The following GPATCH2 variants were observed in gnomAD, a reference collection of about 807,000 sequenced individuals.
GPATCH2 encodes the protein G-patch domain containing 2.
Under a neutral mutation model 58.0 loss-of-function variants are expected in GPATCH2, and 51 were observed. The ratio of observed to expected loss-of-function variants is 0.88; its 90% CI spans 0.70 to 1.11. GPATCH2 has a LOEUF of 1.11. Among genes scored for constraint, GPATCH2 ranks in the 50% most tolerant of loss-of-function variants. The probability of loss-of-function intolerance (pLI) is 0.00; values close to 1 mark genes in which losing one functional copy is unlikely to be tolerated. For synonymous variants in GPATCH2, 222 were observed against 218.5 expected, an observed-to-expected ratio of 1.02 and a Z score of -0.14; for missense variants, 625 against 652.2, an observed-to-expected ratio of 0.96 and a Z score of 0.45.
chr1:217,433,437 C>T (rs2102523333), intron 9 of GPATCH2, among the ~76,000 whole-genome samples: 1 of 149,824 alleles, frequency 6.7e-6, no homozygotes, highest in African/African-American at 2.5e-5. Flanking sequence ...CACTCTGTTG[C>T]CCAGGCCAGA....
Position 217,584,507 on chromosome 1 carries a change from C to T in GPATCH2, c.1098+25814G>A, listed in dbSNP as rs545066236. On this transcript the variant is annotated intron_variant, in intron 5 of 9. Coordinates refer to ENST00000366935, the MANE Select transcript of GPATCH2 (RefSeq NM_018040.5). ...TTGCACCATTGCACTCCAGCTTGGG[C>T]GAAAGAGTGAGACTCCATCTCAAAG... Among the ~76,000 whole-genome samples the T allele has an allele frequency of 7.3e-5, 11 of 151,284 alleles. No individual in the cohort carries two copies. The East Asian group carries it at 1.4e-3, about 19-fold the overall frequency.
intron 8 of GPATCH2, among the ~76,000 whole-genome samples, chr1:217,488,056 A>T (rs1401127192): frequency 3.3e-5 from 4 of 119,682 alleles, no homozygotes; most frequent in African/African-American, 1.9e-4. Flanking sequence ...TGTAACCTTT[A>T]AAAAAAAAAA....
chr1:217,557,798 G>A (rs1289990101), intron 5 of GPATCH2, among the ~76,000 whole-genome samples: 2 of 151,992 alleles, frequency 1.3e-5, no homozygotes, highest in African/African-American at 2.4e-5. Flanking sequence ...TCCCTGCACC[G>A]ATACTATACT....
At chr1:217,544,820 T>C (rs1664950299) in intron 5 of GPATCH2, among the ~76,000 whole-genome samples, 1 of 152,252 alleles carries the variant, frequency 6.6e-6, no homozygotes, top group Non-Finnish European at 1.5e-5. Context: ...AAATGAATAC[T>C]TTTTCATTTC....
intron 8 of GPATCH2, among the ~76,000 whole-genome samples, chr1:217,465,239 AAG>A (rs1467760600): frequency 6.6e-5 from 10 of 152,148 alleles, no homozygotes; most frequent in African/African-American, 2.4e-4. Context: ...ATTAAAAGGA[AAG>A]TGATAAATTA....
chr1:217,587,064 A>C (rs545682659), intron 5 of GPATCH2, among the ~76,000 whole-genome samples: 3 of 152,144 alleles, frequency 2.0e-5, no homozygotes, highest in African/African-American at 7.2e-5. Context: ...GCAGGGGGGA[A>C]GTTCTGCAAC....
chr1:217,475,507 T>C (rs183328053), intron 8 of GPATCH2, among the ~76,000 whole-genome samples: 2,099 of 151,844 alleles, frequency 0.014, 137 homozygotes, highest in Admixed American at 0.12. Context: ...ATGAAAAGAG[T>C]AAGATAATTT....
At chr1:217,612,531 TA>T (rs1414285946) in intron 3 of GPATCH2, among the ~76,000 whole-genome samples, 1 of 152,024 alleles carries the variant, frequency 6.6e-6, no homozygotes, top group Non-Finnish European at 1.5e-5. Context: ...GGGAATTAAT[TA>T]AAAAAATTTT....
At position 217,484,828 on chromosome 1, in the gene GPATCH2, T is replaced by C. The variant is rs141921618; in HGVS notation, c.1277+6852A>G. Among the ~76,000 whole-genome samples the C allele has an allele frequency of 9.0e-3, 1,367 of 151,448 alleles. 8 individuals carry two copies. Among genetic ancestry groups the C allele is most frequent in the Middle Eastern group, 0.049 (14 of 284 alleles). Reference sequence around the variant, plus strand: ...ATATGTATATGTGTATATAGATATATATATTTACTTATATGAACTGAGTTT... The same window carrying C: ...ATATGTATATGTGTATATAGATATACATATTTACTTATATGAACTGAGTTT... On this transcript the variant is annotated intron_variant, in intron 8 of 9. Coordinates refer to ENST00000366935, the MANE Select transcript of GPATCH2 (RefSeq NM_018040.5).
At chr1:217,565,327 T>G (rs1178692641) in intron 5 of GPATCH2, among the ~76,000 whole-genome samples, 2 of 152,198 alleles carry the variant, frequency 1.3e-5, no homozygotes, top group Non-Finnish European at 2.9e-5. Context: ...AACTTAATAC[T>G]TTGTATTTGT....
rs1658397161 is a variant in GPATCH2 at position 217,428,122 on chromosome 1, T to C, written c.*3023A>G. The C allele has an allele frequency of 6.6e-6, 1 of 152,204 alleles. No homozygotes were observed. The highest frequency in any genetic ancestry group is 1.5e-5 in the Non-Finnish European group (1 of 68,024). 9.4% of individuals were successfully genotyped at this position (152,204 alleles called of 1,614,324 possible). ...AAACAAATGACTCCAGCACACAGTC[T>C]GGTCATTATCAAGTATAACAAATTT... On this transcript the variant is annotated 3_prime_UTR_variant, in exon 10 of 10. Transcript: ENST00000366935.
At chr1:217,560,262 A>G (rs1417499946) in intron 5 of GPATCH2, among the ~76,000 whole-genome samples, 6 of 152,194 alleles carry the variant, frequency 3.9e-5, no homozygotes, top group Non-Finnish European at 4.4e-5. Context: ...TTGTGAGTGC[A>G]TGCTACTTGT....
chr1:217,595,858 C>T (rs561530496), intron 5 of GPATCH2, among the ~76,000 whole-genome samples: 1 of 152,080 alleles, frequency 6.6e-6, no homozygotes, highest in East Asian at 1.9e-4. Context: ...TAAAATGGAT[C>T]CTATAAACGT....
chr1:217,617,747 A>G (rs1668964270), intron 2 of GPATCH2, among the ~76,000 whole-genome samples: 1 of 152,228 alleles, frequency 6.6e-6, no homozygotes, highest in Non-Finnish European at 1.5e-5. Flanking sequence ...AATAAGTTTC[A>G]AATCAGAGAA....
intron 5 of GPATCH2, among the ~76,000 whole-genome samples, chr1:217,569,600 C>T (rs1328270773): frequency 2.0e-5 from 3 of 152,052 alleles, no homozygotes; most frequent in African/African-American, 4.8e-5. Context: ...GAGGCTGAGG[C>T]GGGAGAACTG....
intron 8 of GPATCH2, among the ~76,000 whole-genome samples, chr1:217,452,020 C>T (rs572426485): frequency 2.6e-5 from 4 of 152,274 alleles, no homozygotes; most frequent in African/African-American, 7.2e-5. Context: ...CTGTATAACA[C>T]GAATGGAAAA....
chr1:217,592,694 A>G (rs942580910), intron 5 of GPATCH2, among the ~76,000 whole-genome samples: 1 of 151,936 alleles, frequency 6.6e-6, no homozygotes, highest in African/African-American at 2.4e-5. Context: ...AAACAACCTG[A>G]ACATGTATAT....
At chr1:217,530,230 A>G (rs1269168490) in intron 5 of GPATCH2, among the ~76,000 whole-genome samples, 1 of 152,214 alleles carries the variant, frequency 6.6e-6, no homozygotes, top group Non-Finnish European at 1.5e-5. Flanking sequence ...ATAATGGAAG[A>G]GCACAGAGAT....
chr1:217,528,799 A>C (rs1407489927), intron 5 of GPATCH2, among the ~76,000 whole-genome samples: 1 of 152,222 alleles, frequency 6.6e-6, no homozygotes, highest in Non-Finnish European at 1.5e-5. Context: ...AGTGTGAGAC[A>C]GGTGATCCAG....
Sources: gnomAD v4.1 joint callset for allele counts (sites outside exome capture counted in the v4.1 genomes callset) on GRCh38, gnomAD v4.1.1 for gene constraint, MANE v1.5 for transcripts, NCBI Gene and HGNC (gene_info 2026-07-23, HGNC 2026-07-21) for gene names.